Variants in DENND1A observed in about 807,000 individuals in gnomAD.
DENND1A encodes DENN domain-containing protein 1A.
A neutral mutation model predicts 113.7 loss-of-function variants in DENND1A; 51 were observed. That is an observed-to-expected ratio of 0.45 (90% CI 0.36 to 0.57). The LOEUF is 0.57. Among genes scored for constraint, DENND1A ranks in the 20% least tolerant of loss-of-function variants. The probability of loss-of-function intolerance (pLI) is 0.00; values close to 1 mark genes in which losing one functional copy is unlikely to be tolerated. For synonymous variants in DENND1A, 565 were observed against 570.8 expected, an observed-to-expected ratio of 0.99 and a Z score of 0.14; for missense variants, 1,258 against 1,395.9, an observed-to-expected ratio of 0.90 and a Z score of 1.57.
Position 123,757,976 on chromosome 9 carries a change from T to TAAAA in DENND1A, c.183-158_183-155dup, listed in dbSNP as rs557446216. On this transcript the variant is annotated intron_variant, in intron 4 of 23. Coordinates refer to ENST00000394215, the MANE Select transcript of DENND1A (RefSeq NM_001352964.2). ...TCAAGGGAACAGACTGTAAGCTAGT[T>TAAAA]AAAAAAAAAAAAAAAAAAAAGACAG... is the stretch of plus-strand genomic sequence containing the variant. Among the ~76,000 whole-genome samples, 779 of 122,998 alleles carry TAAAA rather than the reference T, an allele frequency of 6.3e-3. 7 individuals are homozygous for TAAAA. Among genetic ancestry groups the TAAAA allele is most frequent in the African/African-American group, 0.021 (728 of 34,152 alleles). 80.7% of individuals were successfully genotyped at this position (122,998 alleles called of 152,430 possible).
intron 9 of DENND1A, among the ~76,000 whole-genome samples, chr9:123,651,204 TA>T (rs1223852871): frequency 6.6e-6 from 1 of 151,962 alleles, no homozygotes; most frequent in African/African-American, 2.4e-5. Context: ...TTATAATTAA[TA>T]AAAAAATCAA....
intron 22 of DENND1A, among the ~76,000 whole-genome samples, chr9:123,384,581 C>T (rs2042460677): frequency 6.6e-6 from 1 of 152,248 alleles, no homozygotes; most frequent in Non-Finnish European, 1.5e-5. Flanking sequence ...CAGCATCCAT[C>T]GCCCACCAGT....
intron 9 of DENND1A, among the ~76,000 whole-genome samples, chr9:123,642,428 C>T (rs2062079845): frequency 6.6e-6 from 1 of 152,232 alleles, no homozygotes; most frequent in African/African-American, 2.4e-5. Flanking sequence ...TTCCATGCCA[C>T]TTCATTATAA....
At chr9:123,651,352 A>G (rs1372358604) in intron 9 of DENND1A, among the ~76,000 whole-genome samples, 2 of 152,372 alleles carry the variant, frequency 1.3e-5, no homozygotes, top group African/African-American at 4.8e-5. Context: ...TAGCACATCT[A>G]CTTTCTTAGC....
chr9:123,793,060 T>C (rs1285870246), intron 2 of DENND1A, among the ~76,000 whole-genome samples: 3 of 152,190 alleles, frequency 2.0e-5, no homozygotes, highest in Non-Finnish European at 4.4e-5. Flanking sequence ...GAGAGAATTC[T>C]TTCAAGGAAT....
At chr9:123,901,723 T>C (rs1185659140) in intron 1 of DENND1A, among the ~76,000 whole-genome samples, 1 of 152,150 alleles carries the variant, frequency 6.6e-6, no homozygotes, top group South Asian at 2.1e-4. Flanking sequence ...ACCTGGACTC[T>C]TAAAATAAAG....
chr9:123,598,197 C>T (rs780171468), intron 11 of DENND1A, among the ~76,000 whole-genome samples: 4 of 152,138 alleles, frequency 2.6e-5, no homozygotes, highest in East Asian at 3.9e-4. Flanking sequence ...GTGACTCTCC[C>T]GGTGCTTATC....
At chr9:123,820,172 G>C (rs948393900) in intron 2 of DENND1A, among the ~76,000 whole-genome samples, 1 of 152,158 alleles carries the variant, frequency 6.6e-6, no homozygotes, top group African/African-American at 2.4e-5. Context: ...CAGTATGATA[G>C]GTTGCCTTCA....
intron 14 of DENND1A, 21 bp downstream of exon 14, chr9:123,457,772 C>T: frequency 6.3e-7 from 1 of 1,591,364 alleles, no homozygotes; most frequent in Non-Finnish European, 8.6e-7. Context: ...CAGACCCAGG[C>T]CAGACCAGGG....
At chr9:123,568,332 T>G (rs2058166977) in intron 12 of DENND1A, among the ~76,000 whole-genome samples, 1 of 152,188 alleles carries the variant, frequency 6.6e-6, no homozygotes, top group African/African-American at 2.4e-5. Context: ...TACCCTCCCC[T>G]TCTTTTTTTT....
At chr9:123,514,759 G>A (rs1057264879) in intron 13 of DENND1A, among the ~76,000 whole-genome samples, 42 of 152,182 alleles carry the variant, frequency 2.8e-4, no homozygotes, top group African/African-American at 8.9e-4. Context: ...AGTGCCTATC[G>A]TGGGTCTGGG....
chr9:123,643,880 G>A (rs758321956), intron 9 of DENND1A, among the ~76,000 whole-genome samples: 1 of 152,200 alleles, frequency 6.6e-6, no homozygotes, highest in Non-Finnish European at 1.5e-5. Flanking sequence ...AAAAGCTTAG[G>A]TGTGCGTTCA....
intron 13 of DENND1A, among the ~76,000 whole-genome samples, chr9:123,503,245 A>G (rs778028878): frequency 1.1e-4 from 17 of 152,232 alleles, no homozygotes; most frequent in Admixed American, 6.5e-4. Flanking sequence ...GGCATAGTCA[A>G]CTACTCTCTT....
intron 2 of DENND1A, among the ~76,000 whole-genome samples, chr9:123,831,921 T>G (rs1211600488): frequency 6.6e-6 from 1 of 152,032 alleles, no homozygotes; most frequent in African/African-American, 2.4e-5. Context: ...AGGCGGAGGT[T>G]GCAGTGAGCT....
intron 9 of DENND1A, among the ~76,000 whole-genome samples, chr9:123,639,280 A>C (rs2061895284): frequency 6.6e-6 from 1 of 151,440 alleles, no homozygotes; most frequent in Non-Finnish European, 1.5e-5. Flanking sequence ...TCTACCAAAA[A>C]ATACAAAAAT....
At chr9:123,919,539 A>G (rs1564507974) in intron 1 of DENND1A, among the ~76,000 whole-genome samples, 1 of 151,932 alleles carries the variant, frequency 6.6e-6, no homozygotes, top group Non-Finnish European at 1.5e-5. Flanking sequence ...TGTTTTTTAA[A>G]AAGAAAAATC....
At chr9:123,483,959 T>C (rs953623880) in intron 13 of DENND1A, among the ~76,000 whole-genome samples, 2 of 152,226 alleles carry the variant, frequency 1.3e-5, no homozygotes, top group Non-Finnish European at 2.9e-5. Flanking sequence ...CTAGGACTTG[T>C]AGCAAACGGG....
intron 19 of DENND1A, among the ~76,000 whole-genome samples, chr9:123,435,402 C>T (rs1437002301): frequency 6.6e-6 from 1 of 152,188 alleles, no homozygotes; most frequent in African/African-American, 2.4e-5. Context: ...GTTCCTGGGG[C>T]TGCTATCCAG....
At chr9:123,419,311 G>A (rs1031948574) in intron 19 of DENND1A, among the ~76,000 whole-genome samples, 9 of 152,220 alleles carry the variant, frequency 5.9e-5, no homozygotes, top group Admixed American at 5.9e-4. Context: ...TGTGTGCATT[G>A]TGTACTCTGA....
Sources: gnomAD v4.1 joint callset for allele counts (sites outside exome capture counted in the v4.1 genomes callset) on GRCh38, gnomAD v4.1.1 for gene constraint, MANE v1.5 for transcripts, NCBI Gene and HGNC (gene_info 2026-07-23, HGNC 2026-07-21) for gene names.